The following ABCB7 variants were observed in gnomAD, a reference collection of about 807,000 sequenced individuals.
The protein encoded by ABCB7 is iron-sulfur clusters transporter ABCB7, mitochondrial.
In ABCB7, 7 loss-of-function variants were observed where a neutral mutation model predicts 54.4. That is an observed-to-expected ratio of 0.13 (90% CI 0.07 to 0.24). The LOEUF is 0.24. Among genes scored for constraint, ABCB7 ranks in the 10% least tolerant of loss-of-function variants. ABCB7 has a pLI of 1.00. For missense variants in ABCB7, 356 were observed against 570.4 expected (o/e 0.62, Z 3.83); for synonymous variants, 218 against 207.1 (o/e 1.05, Z -0.45).
chrX:75,125,578 T>C (rs1015187330), intron 1 of ABCB7, among the ~76,000 whole-genome samples: 2 of 111,313 alleles, frequency 1.8e-5, no homozygotes, highest in Non-Finnish European at 3.8e-5. Context: ...TGCTACTCCA[T>C]TTTTGTGTCT....
At chrX:75,088,858 CACA>C (rs1228698459) in intron 4 of ABCB7, among the ~76,000 whole-genome samples, 8 of 99,248 alleles carry the variant, frequency 8.1e-5, no homozygotes, top group Non-Finnish European at 1.2e-4. Context: ...AAAAAAAAAA[CACA>C]ACAACAACAA....
At chrX:75,150,488 GA>G (rs770610332) in intron 1 of ABCB7, among the ~76,000 whole-genome samples, 33 of 109,304 alleles carry the variant, frequency 3.0e-4, no homozygotes, top group African/African-American at 8.6e-4. Flanking sequence ...TGAGCACCAA[GA>G]AAAAAAATGC....
At chrX:75,153,116 C>T (rs187933233) in intron 1 of ABCB7, among the ~76,000 whole-genome samples, 3 of 110,735 alleles carry the variant, frequency 2.7e-5, no homozygotes, top group East Asian at 5.7e-4. Flanking sequence ...CTTGCTCTGT[C>T]GCCCAGGCTG....
intron 3 of ABCB7, among the ~76,000 whole-genome samples, chrX:75,106,012 G>A (rs2081697395): frequency 9.0e-6 from 1 of 111,464 alleles, no homozygotes; most frequent in Non-Finnish European, 1.9e-5. Context: ...AAAAAGCCTA[G>A]AAGAAAACCT....
At chrX:75,097,223 G>A (rs1266379283) in intron 4 of ABCB7, among the ~76,000 whole-genome samples, 4 of 111,137 alleles carry the variant, frequency 3.6e-5, no homozygotes, top group Non-Finnish European at 7.6e-5. Flanking sequence ...TCTTCCCCTC[G>A]CTGGAACCAG....
At chrX:75,136,259 G>A (rs181523651) in intron 1 of ABCB7, among the ~76,000 whole-genome samples, 26 of 111,065 alleles carry the variant, frequency 2.3e-4, no homozygotes, top group African/African-American at 8.2e-4. Flanking sequence ...GCAACAAAAA[G>A]AATATAATGC....
At chrX:75,094,054 CTATCTTA>C (rs1418986235) in intron 4 of ABCB7, among the ~76,000 whole-genome samples, 1 of 17,774 alleles carries the variant, frequency 5.6e-5, no homozygotes, top group African/African-American at 1.0e-4. Flanking sequence ...ATATATATAT[CTATCTTA>C]TTATTTGTTA....
chrX:75,107,271 T>A (rs1387303409), intron 3 of ABCB7, among the ~76,000 whole-genome samples: 1 of 111,460 alleles, frequency 9.0e-6, no homozygotes, highest in Admixed American at 9.5e-5. Flanking sequence ...AAAGGCAGTC[T>A]AAGCCATAAA....
intron 1 of ABCB7, among the ~76,000 whole-genome samples, chrX:75,155,490 T>C (rs757038026): frequency 1.8e-5 from 2 of 112,424 alleles, no homozygotes; most frequent in South Asian, 7.4e-4. Flanking sequence ...AAGTAGCCTA[T>C]GGCTTCCAAA....
chrX:75,094,021 T>C (rs1406959891), intron 4 of ABCB7, among the ~76,000 whole-genome samples: 4 of 23,490 alleles, frequency 1.7e-4, no homozygotes, highest in South Asian at 1.9e-3. Flanking sequence ...GTTATATACA[T>C]ATATATATAT....
intron 1 of ABCB7, among the ~76,000 whole-genome samples, chrX:75,146,082 T>C (rs2082088461): frequency 9.1e-6 from 1 of 109,574 alleles, no homozygotes; most frequent in Admixed American, 9.6e-5. Flanking sequence ...GAAAATAAAA[T>C]ACCTAGGAAT....
chrX:75,053,610 A>G (rs2081212648), intron 15 of ABCB7, 25 bp from the exon 16 acceptor site: 3 of 1,169,309 alleles, frequency 2.6e-6, no homozygotes, highest in Non-Finnish European at 3.4e-6. Context: ...CATGAGAAAC[A>G]CGGAGAAAGG....
intron 1 of ABCB7, among the ~76,000 whole-genome samples, chrX:75,148,113 C>T (rs1344176487): frequency 1.8e-5 from 2 of 108,736 alleles, no homozygotes; most frequent in African/African-American, 3.4e-5. Context: ...ACAACTCCAT[C>T]GCAAAAAAAT....
chrX:75,060,961 G>C (rs2081278143), intron 14 of ABCB7, among the ~76,000 whole-genome samples: 1 of 111,673 alleles, frequency 9.0e-6, no homozygotes, highest in Non-Finnish European at 1.9e-5. Context: ...TGGAAACCTG[G>C]GTCTAAGTAC....
intron 3 of ABCB7, among the ~76,000 whole-genome samples, chrX:75,100,116 A>G (rs2081627806): frequency 9.0e-6 from 1 of 111,052 alleles, no homozygotes; most frequent in African/African-American, 3.3e-5. Context: ...TCTAAGTTGA[A>G]TCAATTTTAT....
intron 15 of ABCB7, among the ~76,000 whole-genome samples, chrX:75,059,769 A>G (rs73502895): frequency 0.11 from 12,199 of 111,314 alleles, 1,688 homozygotes; most frequent in African/African-American, 0.38. Context: ...ACTTTCCCGA[A>G]AAGGAAAAAC....
chrX:75,132,536 C>G (rs187794739), intron 1 of ABCB7, among the ~76,000 whole-genome samples: 1 of 112,535 alleles, frequency 8.9e-6, no homozygotes, highest in East Asian at 2.8e-4. Flanking sequence ...ACTTGTGGAG[C>G]ACAGCTCAGG....
intron 1 of ABCB7, among the ~76,000 whole-genome samples, chrX:75,132,470 C>T (rs982611587): frequency 2.7e-5 from 3 of 112,810 alleles, no homozygotes; most frequent in African/African-American, 3.2e-5. Flanking sequence ...CTGCCAAGGT[C>T]GCCAACCCTG....
intron 1 of ABCB7, among the ~76,000 whole-genome samples, chrX:75,129,585 T>TA (rs1402840411): frequency 3.7e-5 from 4 of 107,123 alleles, no homozygotes; most frequent in African/African-American, 1.4e-4. Flanking sequence ...TCCCAGAACT[T>TA]AAAGTATAAT....
Sources: gnomAD v4.1 joint callset for allele counts (sites outside exome capture counted in the v4.1 genomes callset) on GRCh38, gnomAD v4.1.1 for gene constraint, MANE v1.5 for transcripts, NCBI Gene and HGNC (gene_info 2026-07-23, HGNC 2026-07-21) for gene names.